YWHAB: variants seen among roughly 807,000 people sequenced by gnomAD.
YWHAB encodes 14-3-3 protein beta/alpha.
A neutral mutation model predicts 28.5 loss-of-function variants in YWHAB; 2 were observed. The observed-to-expected ratio is 0.07, with a 90% confidence interval of 0.03 to 0.22. The LOEUF is 0.22. Among genes scored for constraint, YWHAB ranks in the 10% least tolerant of loss-of-function variants. The pLI is 1.00. For synonymous variants in YWHAB, 103 were observed against 104.7 expected (o/e 0.98, Z 0.10); for missense variants, 148 against 297.1 (o/e 0.50, Z 3.69).
Position 44,906,549 on chromosome 20 carries a change from G to A in YWHAB, c.*111G>A, listed in dbSNP as rs907528107. 2.5e-5 allele frequency: 24 copies of A among 965,354 alleles called. No homozygotes were observed. In the African/African-American group the frequency reaches 3.7e-4, roughly 15 times the overall value. The allele number at this position is 965,354 out of a possible 1,614,324, so 59.8% of individuals were successfully genotyped here. Reference sequence around the variant, plus strand: ...AAAAGAGAATCGTACGTCGACTTTCGATTTTTCACAGCCTCAGCCTAGGAA... The same window carrying A: ...AAAAGAGAATCGTACGTCGACTTTCAATTTTTCACAGCCTCAGCCTAGGAA... On this transcript the variant is annotated 3_prime_UTR_variant, in exon 6 of 6. Coordinates refer to ENST00000353703, the MANE Select transcript of YWHAB (RefSeq NM_139323.4).
chr20:44,900,673 G>A (rs183213266), intron 1 of YWHAB, among the ~76,000 whole-genome samples: 1 of 152,302 alleles, frequency 6.6e-6, no homozygotes, highest in Admixed American at 6.5e-5. Context: ...TTGCTTACAG[G>A]ACAGTGAAGA....
intron 5 of YWHAB, 36 bp downstream of exon 5, chr20:44,906,132 C>T (rs368087121): frequency 1.7e-5 from 25 of 1,469,702 alleles, no homozygotes; most frequent in Non-Finnish European, 2.3e-5. Context: ...TAGTCTCTTT[C>T]CTATTCACCT....
chr20:44,906,492 T>A lies in YWHAB; in HGVS notation c.*54T>A. 1 of 908,162 alleles carries A rather than the reference T, an allele frequency of 1.1e-6. No homozygotes were observed. Among genetic ancestry groups the A allele is most frequent in the Non-Finnish European group, 1.6e-6 (1 of 628,430 alleles). 56.3% of individuals were successfully genotyped at this position (908,162 alleles called of 1,614,324 possible). A position where few individuals can be genotyped will look rare whatever the true frequency, so the allele number is the denominator to read the frequency against. ...TGTCACTCTGTACCCTCAACATATA[T>A]CCCTTGTGCGATAAAAAAAAAAAAA... On this transcript the variant is annotated 3_prime_UTR_variant, in exon 6 of 6. Coordinates refer to ENST00000353703, the MANE Select transcript of YWHAB (RefSeq NM_139323.4).
chr20:44,904,425 T>C (rs1405560590), intron 3 of YWHAB, among the ~76,000 whole-genome samples: 1 of 151,770 alleles, frequency 6.6e-6, no homozygotes, highest in East Asian at 1.9e-4. Context: ...ACTACCCTAG[T>C]GATGCATTGC....
chr20:44,906,999 T>G lies in YWHAB; in HGVS notation c.*561T>G, dbSNP rs1358993835. On this transcript the variant is annotated 3_prime_UTR_variant, in exon 6 of 6. Transcript: ENST00000353703. ...TGTTTGGGCTGTTGCCACTTAAAAG[T>G]TCATGACCACAAATGTCCACAGTGT... 6.6e-6 allele frequency: 1 copy of G among 152,360 alleles called. No individual in the cohort carries two copies. Among genetic ancestry groups the G allele is most frequent in the Admixed American group, 6.5e-5 (1 of 15,298 alleles). The allele number at this position is 152,360 out of a possible 1,614,324, so 9.4% of individuals were successfully genotyped here.
At chr20:44,899,617 A>G (rs983709732) in intron 1 of YWHAB, among the ~76,000 whole-genome samples, 7 of 152,246 alleles carry the variant, frequency 4.6e-5, no homozygotes, top group African/African-American at 9.6e-5. Context: ...ATTTAAACCA[A>G]CAGTACATAA....
chr20:44,897,681 CTTT>C (rs988463398), intron 1 of YWHAB, among the ~76,000 whole-genome samples: 17 of 152,084 alleles, frequency 1.1e-4, no homozygotes, highest in Admixed American at 2.0e-4. Flanking sequence ...TTTTTTCCTT[CTTT>C]ATTTTCCACC....
At chr20:44,901,432 T>G (rs552561430) in intron 1 of YWHAB, 99 bp from the exon 2 acceptor site, 334 of 1,219,274 alleles carry the variant, frequency 2.7e-4, no homozygotes, top group Non-Finnish European at 3.7e-4. Flanking sequence ...TCACATTTAG[T>G]ATGCTGCTTT....
intron 1 of YWHAB, among the ~76,000 whole-genome samples, chr20:44,895,140 G>C (rs2066588560): frequency 6.6e-6 from 1 of 152,196 alleles, no homozygotes; most frequent in Admixed American, 6.5e-5. Context: ...GTGAGGGCTA[G>C]GGCAGTCAGG....
intron 1 of YWHAB, among the ~76,000 whole-genome samples, chr20:44,889,462 C>T (rs1601086532): frequency 6.9e-6 from 1 of 144,972 alleles, no homozygotes; most frequent in African/African-American, 2.5e-5. Context: ...GGTTAGTTAA[C>T]TTTTTTTTTT....
chr20:44,904,386 A>G (rs2145540051), intron 3 of YWHAB, among the ~76,000 whole-genome samples: 1 of 152,322 alleles, frequency 6.6e-6, no homozygotes, highest in East Asian at 1.9e-4. Flanking sequence ...TCTTTTTAGC[A>G]GTGAACTTTT....
rs139992012 is a variant in YWHAB, at chr20:44,885,739, C to T, written c.-151C>T. ...GCTACCGCCACCGCCGCCGCCGATT[C>T]CGGAGCCGGGGTAGTCGCCGCCGCC... On this transcript the variant is annotated 5_prime_UTR_variant, in exon 1 of 6. Coordinates refer to ENST00000353703, the MANE Select transcript of YWHAB (RefSeq NM_139323.4). The T allele has an allele frequency of 1.1e-5, 2 of 175,668 alleles. No individual in the cohort carries two copies. The highest frequency in any genetic ancestry group is 2.3e-5 in the Non-Finnish European group (2 of 86,586). 10.9% of individuals were successfully genotyped at this position (175,668 alleles called of 1,614,324 possible).
chr20:44,894,858 C>T lies in YWHAB; in HGVS notation c.-3-6673C>T, dbSNP rs552891099. Among the ~76,000 whole-genome samples the T allele has an allele frequency of 5.8e-4, 88 of 152,364 alleles. 1 individual carries two copies. The South Asian group carries it at 0.018, about 32-fold the overall frequency. ...TGCGCTGTGACACACAGTCCTGCTGCCTTCCGACTATACTACATATAGGTA... is the reference window on the plus strand; with the variant it reads ...TGCGCTGTGACACACAGTCCTGCTGTCTTCCGACTATACTACATATAGGTA... On this transcript the variant is annotated intron_variant, in intron 1 of 5. Coordinates refer to ENST00000353703, the MANE Select transcript of YWHAB (RefSeq NM_139323.4).
chr20:44,906,504 TAAAAAAAAAAAAA>T lies in YWHAB; in HGVS notation c.*77_*89del. 1 of 356,912 alleles carries T rather than the reference TAAAAAAAAAAAAA, an allele frequency of 2.8e-6. No individual in the cohort carries two copies. The highest frequency in any genetic ancestry group is 9.9e-5 in the South Asian group (1 of 10,060). The allele number at this position is 356,912 out of a possible 1,614,324, so 22.1% of individuals were successfully genotyped here. On this transcript the variant is annotated 3_prime_UTR_variant, in exon 6 of 6. Transcript: ENST00000353703. ...CCCTCAACATATATCCCTTGTGCGATAAAAAAAAAAAAAAAAAAAAAAAGAGAATCGTACGTCG... is the reference window on the plus strand; with the variant it reads ...CCCTCAACATATATCCCTTGTGCGATAAAAAAAAAAGAGAATCGTACGTCG...
chr20:44,897,802 G>A (rs138539697), intron 1 of YWHAB, among the ~76,000 whole-genome samples: 13 of 152,316 alleles, frequency 8.5e-5, no homozygotes, highest in Admixed American at 3.3e-4. Flanking sequence ...GAGTAGAACA[G>A]GTTGTCTTGT....
intron 1 of YWHAB, among the ~76,000 whole-genome samples, chr20:44,890,543 C>T (rs1048233596): frequency 7.8e-6 from 1 of 128,868 alleles, no homozygotes; most frequent in Non-Finnish European, 1.6e-5. Flanking sequence ...TGGAGTCTCA[C>T]TCTGTCACCC....
intron 1 of YWHAB, 137 bp from the exon 2 acceptor site, chr20:44,901,394 T>C: frequency 1.1e-6 from 1 of 887,008 alleles, no homozygotes; most frequent in South Asian, 1.8e-5. Flanking sequence ...ATCATCAATA[T>C]TGTTGATGGC....
intron 1 of YWHAB, among the ~76,000 whole-genome samples, chr20:44,890,573 C>T (rs1226181935): frequency 1.4e-5 from 2 of 143,528 alleles, no homozygotes; most frequent in Non-Finnish European, 3.0e-5. Flanking sequence ...TGCAGTGGCA[C>T]GATCTTGGCT....
intron 1 of YWHAB, among the ~76,000 whole-genome samples, chr20:44,894,172 C>A (rs1668005807): frequency 6.6e-6 from 1 of 152,170 alleles, no homozygotes; most frequent in African/African-American, 2.4e-5. Flanking sequence ...CTGGAGAGCT[C>A]CTGTTCTCAA....
Sources: allele counts gnomAD v4.1 joint callset (sites outside exome capture counted in the v4.1 genomes callset), GRCh38; gene constraint gnomAD v4.1.1; transcripts MANE v1.5; gene names NCBI Gene and HGNC (gene_info 2026-07-23, HGNC 2026-07-21).